Variants in DIAPH3 observed in about 807,000 individuals in gnomAD.
DIAPH3 encodes the protein diaphanous related formin 3, also known as protein diaphanous homolog 3.
A neutral mutation model predicts 144.3 loss-of-function variants in DIAPH3; 117 were observed. The ratio of observed to expected loss-of-function variants is 0.81; its 90% CI spans 0.70 to 0.95. DIAPH3 has a LOEUF of 0.95. Among genes scored for constraint, DIAPH3 ranks in the 40% least tolerant of loss-of-function variants. DIAPH3 has a pLI of 0.00. For missense variants in DIAPH3, 1,421 were observed against 1,412.7 expected, an observed-to-expected ratio of 1.01 and a Z score of -0.09; for synonymous variants, 519 against 488.9, an observed-to-expected ratio of 1.06 and a Z score of -0.81.
intron 17 of DIAPH3, among the ~76,000 whole-genome samples, chr13:59,929,328 C>A (rs2047901773): frequency 1.3e-5 from 2 of 151,960 alleles, no homozygotes; most frequent in South Asian, 4.1e-4. Context: ...ATTTCTGTGT[C>A]ATTTTATATA....
chr13:60,059,019 ATAAAAT>A (rs1227703817), intron 4 of DIAPH3, among the ~76,000 whole-genome samples: 1 of 151,956 alleles, frequency 6.6e-6, no homozygotes, highest in Admixed American at 6.6e-5. Flanking sequence ...AGCTGTTGAA[ATAAAAT>A]TAAAATTAAA....
Position 59,992,098 on chromosome 13 carries a change from T to C in DIAPH3, c.1214A>G (p.His405Arg), listed in dbSNP as rs1164675826. Residue 405 changes from histidine to arginine, a missense_variant, in exon 11 of 28, where the codon CAT (histidine) becomes CGT (arginine). Physicochemically the swap from His to Arg is conservative, Grantham distance 29 (BLOSUM62 0). Coordinates refer to ENST00000400324, the MANE Select transcript of DIAPH3 (RefSeq NM_001042517.2). The stretch of plus-strand genomic sequence containing the variant: ...TTCAGCTCTAATATCTTCAAGGCGA[T>C]GGGATAACTCAAACAAATCTTCTTC... Reference protein sequence around the residue: ...HKEEDLFELSHRLEDIRAELD... With the variant: ...HKEEDLFELSRRLEDIRAELD... The C allele has an allele frequency of 3.1e-6, 5 of 1,611,846 alleles. No homozygotes were observed. Among genetic ancestry groups the C allele is most frequent in the Admixed American group, 3.3e-5 (2 of 59,766 alleles).
At chr13:60,075,622 T>C (rs917791643) in intron 4 of DIAPH3, among the ~76,000 whole-genome samples, 1 of 152,218 alleles carries the variant, frequency 6.6e-6, no homozygotes, top group Non-Finnish European at 1.5e-5. Context: ...GTCTTAATTA[T>C]GTTAAAGTTT....
intron 9 of DIAPH3, among the ~76,000 whole-genome samples, chr13:59,999,920 AAGGGTT>A: frequency 1.3e-5 from 2 of 152,320 alleles, no homozygotes; most frequent in East Asian, 3.9e-4. Context: ...AAGTTTCAAC[AAGGGTT>A]ATCATTTTCA....
intron 27 of DIAPH3, among the ~76,000 whole-genome samples, chr13:59,682,228 CA>C (rs1343684298): frequency 3.9e-5 from 6 of 152,154 alleles, no homozygotes; most frequent in Non-Finnish European, 7.3e-5. Flanking sequence ...AAATACTACC[CA>C]ATTTGTACGA....
At chr13:60,059,392 A>G (rs1235277111) in intron 4 of DIAPH3, among the ~76,000 whole-genome samples, 1 of 152,004 alleles carries the variant, frequency 6.6e-6, no homozygotes, top group Non-Finnish European at 1.5e-5. Context: ...AAAGTACTAA[A>G]CAACTATTTT....
chr13:60,056,652 CTGGG>C (rs2056571769), intron 4 of DIAPH3, among the ~76,000 whole-genome samples: 1 of 151,760 alleles, frequency 6.6e-6, no homozygotes, highest in Non-Finnish European at 1.5e-5. Context: ...GACTCCAAGG[CTGGG>C]TGTAGAATAG....
chr13:59,911,452 AGAAG>A (rs1261777088), intron 20 of DIAPH3, among the ~76,000 whole-genome samples: 1 of 152,240 alleles, frequency 6.6e-6, no homozygotes, highest in Non-Finnish European at 1.5e-5. Context: ...TCTATTCTTA[AGAAG>A]TACAGTTTTT....
intron 25 of DIAPH3, among the ~76,000 whole-genome samples, chr13:59,796,171 T>C (rs565996423): frequency 6.6e-6 from 1 of 152,328 alleles, no homozygotes; most frequent in East Asian, 1.9e-4. Context: ...GAGAAGCTTA[T>C]GGGGCGTAAA....
chr13:60,127,383 A>C (rs1276217616), intron 2 of DIAPH3, among the ~76,000 whole-genome samples: 1 of 152,172 alleles, frequency 6.6e-6, no homozygotes, highest in Non-Finnish European at 1.5e-5. Flanking sequence ...TTTAAACAAG[A>C]AAATGTTAAA....
chr13:59,980,404 T>C (rs948929770), intron 14 of DIAPH3, among the ~76,000 whole-genome samples: 6 of 151,550 alleles, frequency 4.0e-5, no homozygotes, highest in Non-Finnish European at 5.9e-5. Flanking sequence ...CATCATCCAC[T>C]CATTCAAAAA....
intron 25 of DIAPH3, among the ~76,000 whole-genome samples, chr13:59,794,891 T>C (rs2039510519): frequency 1.3e-5 from 2 of 152,218 alleles, no homozygotes; most frequent in Admixed American, 1.3e-4. Context: ...CCCAATAAGC[T>C]GAAAGAAAGA....
chr13:60,076,711 A>C (rs764773549), intron 4 of DIAPH3, among the ~76,000 whole-genome samples: 55 of 152,200 alleles, frequency 3.6e-4, no homozygotes, highest in Non-Finnish European at 6.9e-4. Flanking sequence ...AGAAGAAAAA[A>C]AGACTGTTAA....
chr13:59,707,231 A>G (rs1462418955), intron 27 of DIAPH3, among the ~76,000 whole-genome samples: 1 of 152,200 alleles, frequency 6.6e-6, no homozygotes, highest in Non-Finnish European at 1.5e-5. Context: ...ACAGCTGACA[A>G]TTTCCCTCAA....
chr13:60,108,954 A>C (rs2058492845), intron 3 of DIAPH3, among the ~76,000 whole-genome samples: 1 of 152,178 alleles, frequency 6.6e-6, no homozygotes, highest in Admixed American at 6.5e-5. Flanking sequence ...GTTGAGGTTC[A>C]GCATCTTTTA....
At chr13:59,941,247 G>C (rs2048515959) in intron 17 of DIAPH3, among the ~76,000 whole-genome samples, 1 of 152,222 alleles carries the variant, frequency 6.6e-6, no homozygotes, top group East Asian at 1.9e-4. Context: ...CTACTATAAG[G>C]AGTGGCTAGG....
chr13:59,706,738 T>C lies in DIAPH3; in HGVS notation c.3320-39892A>G, dbSNP rs149558080. Reference sequence around the variant, plus strand: ...AGTTTTGACTGTGAATGGTCTGCTGTTAATAAGAGGAAATAAACTAGCCTC... The same window carrying C: ...AGTTTTGACTGTGAATGGTCTGCTGCTAATAAGAGGAAATAAACTAGCCTC... On this transcript the variant is annotated intron_variant, in intron 27 of 27. Transcript: ENST00000400324. Among the ~76,000 whole-genome samples, 192 of 152,334 alleles carry C rather than the reference T, an allele frequency of 1.3e-3. 1 individual carries two copies. The highest frequency in any genetic ancestry group is 4.4e-3 in the African/African-American group (183 of 41,584).
At position 59,712,985 on chromosome 13, in the gene DIAPH3, A is replaced by G. The variant is rs117113561; in HGVS notation, c.3320-46139T>C. 2.9e-3 allele frequency among the ~76,000 whole-genome samples: 441 copies of G among 152,228 alleles called. 8 individuals are homozygous for G. The East Asian group carries it at 0.059, about 20-fold the overall frequency. ...ATATATCTCGCATGCGCAGTTCACA[A>G]TAGAGTTCGTGCTCCTATGAGAATC... On this transcript the variant is annotated intron_variant, in intron 27 of 27. Coordinates refer to ENST00000400324, the MANE Select transcript of DIAPH3 (RefSeq NM_001042517.2).
At chr13:59,955,094 A>G (rs1465070036) in intron 17 of DIAPH3, among the ~76,000 whole-genome samples, 1 of 150,136 alleles carries the variant, frequency 6.7e-6, no homozygotes, top group Admixed American at 6.7e-5. Context: ...ATATATATAT[A>G]CATGTATATA....
Sources: gnomAD v4.1 joint callset for allele counts (sites outside exome capture counted in the v4.1 genomes callset) on GRCh38, gnomAD v4.1.1 for gene constraint, MANE v1.5 for transcripts, NCBI Gene and HGNC (gene_info 2026-07-23, HGNC 2026-07-21) for gene names.